Variants in GALNT2 observed in about 807,000 individuals in gnomAD.
GALNT2 encodes the protein polypeptide N-acetylgalactosaminyltransferase 2, also known as UDP-GalNAc:polypeptide N-acetylgalactosaminyltransferase 2.
Under a neutral mutation model 81.4 loss-of-function variants are expected in GALNT2, and 31 were observed. The observed-to-expected ratio is 0.38, with a 90% confidence interval of 0.29 to 0.51. The LOEUF is 0.51. Among genes scored for constraint, GALNT2 ranks in the 20% least tolerant of loss-of-function variants. GALNT2 has a pLI of 0.87. For synonymous variants in GALNT2, 303 were observed against 287.4 expected, an observed-to-expected ratio of 1.05 and a Z score of -0.55; for missense variants, 629 against 765.7, an observed-to-expected ratio of 0.82 and a Z score of 2.11.
chr1:230,168,032 A>G (rs1296715362), intron 1 of GALNT2, among the ~76,000 whole-genome samples: 2 of 152,018 alleles, frequency 1.3e-5, no homozygotes, highest in African/African-American at 2.4e-5. Flanking sequence ...TTCTAAAGTA[A>G]AAGAACCTGC....
At chr1:230,076,492 C>G (rs1220987293) in intron 1 of GALNT2, among the ~76,000 whole-genome samples, 2 of 152,094 alleles carry the variant, frequency 1.3e-5, no homozygotes, top group African/African-American at 4.8e-5. Flanking sequence ...AACCAGAGAT[C>G]AGATGCCTGC....
intron 1 of GALNT2, among the ~76,000 whole-genome samples, chr1:230,129,697 A>G (rs922088825): frequency 6.6e-6 from 1 of 152,216 alleles, no homozygotes; most frequent in Non-Finnish European, 1.5e-5. Context: ...TCTGTCACTT[A>G]AAAATAAAAG....
At chr1:230,231,838 C>T (rs1228669594) in intron 3 of GALNT2, among the ~76,000 whole-genome samples, 1 of 152,180 alleles carries the variant, frequency 6.6e-6, no homozygotes, top group Non-Finnish European at 1.5e-5. Context: ...GAACTTGAGC[C>T]CACAAAGTCA....
chr1:230,256,637 A>C (rs1665724683), intron 11 of GALNT2, among the ~76,000 whole-genome samples: 1 of 152,304 alleles, frequency 6.6e-6, no homozygotes, highest in South Asian at 2.1e-4. Flanking sequence ...TTTAGTAAAC[A>C]TGAAGATGCC....
chr1:230,188,843 T>C (rs539069639), intron 2 of GALNT2, among the ~76,000 whole-genome samples: 2 of 152,366 alleles, frequency 1.3e-5, no homozygotes, highest in South Asian at 4.1e-4. Flanking sequence ...TTTGGAAATC[T>C]ATCTGATAGA....
At chr1:230,137,904 T>C (rs1028645382) in intron 1 of GALNT2, among the ~76,000 whole-genome samples, 1 of 152,280 alleles carries the variant, frequency 6.6e-6, no homozygotes, top group Non-Finnish European at 1.5e-5. Context: ...TTCAAGTCTT[T>C]AAACAGCATT....
intron 3 of GALNT2, among the ~76,000 whole-genome samples, chr1:230,226,594 G>C (rs1664718996): frequency 6.6e-6 from 1 of 152,234 alleles, no homozygotes; most frequent in East Asian, 1.9e-4. Flanking sequence ...CCACGTGGCT[G>C]CAGGGCTCCC....
intron 3 of GALNT2, among the ~76,000 whole-genome samples, chr1:230,211,856 A>G (rs1244827754): frequency 6.6e-6 from 1 of 152,226 alleles, no homozygotes; most frequent in Non-Finnish European, 1.5e-5. Flanking sequence ...GTCGTATACC[A>G]GTTCCCAGAA....
At chr1:230,240,341 C>T (rs1419694987) in intron 6 of GALNT2, among the ~76,000 whole-genome samples, 1 of 152,250 alleles carries the variant, frequency 6.6e-6, no homozygotes, top group Non-Finnish European at 1.5e-5. Flanking sequence ...CGCCTGTAAT[C>T]CCAGCACTTT....
chr1:230,069,261 G>GT (rs955836661), intron 1 of GALNT2, among the ~76,000 whole-genome samples: 28 of 144,254 alleles, frequency 1.9e-4, no homozygotes, highest in South Asian at 1.3e-3. Context: ...TTCTTAGTTT[G>GT]TTTTTTTTTG....
rs183982538 is a variant in GALNT2 at position 230,141,278 on chromosome 1, C to T, written c.127-36940C>T. Among the ~76,000 whole-genome samples, 45 of 152,286 alleles carry T rather than the reference C, an allele frequency of 3.0e-4. No homozygotes were observed. In the East Asian group the frequency reaches 4.8e-3, roughly 16 times the overall value. On this transcript the variant is annotated intron_variant, in intron 1 of 15. Transcript: ENST00000366672. Reference sequence around the variant, plus strand: ...CTCGTACAGGCTCTGGCTCCAGACCCGGGCTGGGTTCCTTACTTTGTTTTT... The same window carrying T: ...CTCGTACAGGCTCTGGCTCCAGACCTGGGCTGGGTTCCTTACTTTGTTTTT...
intron 1 of GALNT2, among the ~76,000 whole-genome samples, chr1:230,080,697 G>A (rs781519865): frequency 2.6e-5 from 4 of 152,176 alleles, no homozygotes; most frequent in Non-Finnish European, 4.4e-5. Context: ...CCTGGGCTCC[G>A]GAGCAGACTC....
intron 14 of GALNT2, among the ~76,000 whole-genome samples, chr1:230,266,689 G>A (rs1666045856): frequency 6.6e-6 from 1 of 152,160 alleles, no homozygotes; most frequent in Non-Finnish European, 1.5e-5. Flanking sequence ...GCCTGCCTGG[G>A]GCTTGACTGG....
intron 1 of GALNT2, among the ~76,000 whole-genome samples, chr1:230,060,640 C>T (rs1659024275): frequency 6.6e-6 from 1 of 152,140 alleles, no homozygotes. Flanking sequence ...ACTCTTCCTC[C>T]CCTAACCACT....
In GALNT2 at chr1:230,228,720, G is replaced by A. The variant is rs148591245; in HGVS notation, c.375-7294G>A. Among the ~76,000 whole-genome samples the A allele has an allele frequency of 8.6e-3, 1,314 of 151,930 alleles. 12 individuals are homozygous for A. The highest frequency in any genetic ancestry group is 0.021 in the Middle Eastern group (6 of 292). On this transcript the variant is annotated intron_variant, in intron 3 of 15. Coordinates refer to ENST00000366672, the MANE Select transcript of GALNT2 (RefSeq NM_004481.5). ...CTGCAGTAACGCTTCATGGCTCCTC[G>A]GGCATGTTGCCCTACTATGTGTTGT...
chr1:230,244,996 C>T (rs1665319606), intron 7 of GALNT2, among the ~76,000 whole-genome samples: 1 of 152,174 alleles, frequency 6.6e-6, no homozygotes, highest in African/African-American at 2.4e-5. Context: ...AAAACACTTG[C>T]TCTTTGGTTA....
intron 1 of GALNT2, among the ~76,000 whole-genome samples, chr1:230,154,144 C>T (rs555644061): frequency 3.3e-5 from 5 of 152,304 alleles, no homozygotes; most frequent in Admixed American, 6.5e-5. Context: ...CATTGTGCAA[C>T]GGGGATGTGG....
chr1:230,250,450 T>C lies in GALNT2; in HGVS notation c.906-7T>C, dbSNP rs532224820. The C allele has an allele frequency of 3.7e-6, 6 of 1,611,996 alleles. No individual in the cohort carries two copies. The African/African-American group carries it at 5.3e-5, about 14-fold the overall frequency. ...CTCCCTCCCCCCTCTTCTTTCTGCCTCTTTAGAACCCCCATGATTGCTGGT... is the reference window on the plus strand; with the variant it reads ...CTCCCTCCCCCCTCTTCTTTCTGCCCCTTTAGAACCCCCATGATTGCTGGT... On this transcript the variant is annotated splice_region_variant and splice_polypyrimidine_tract_variant and intron_variant, in intron 9 of 15. Coordinates refer to ENST00000366672, the MANE Select transcript of GALNT2 (RefSeq NM_004481.5).
chr1:230,124,106 C>T (rs940653132), intron 1 of GALNT2, among the ~76,000 whole-genome samples: 4 of 152,074 alleles, frequency 2.6e-5, no homozygotes, highest in Admixed American at 1.3e-4. Flanking sequence ...GTGCCTGGCT[C>T]AACTTTAAAA....
Sources: gnomAD v4.1 joint callset for allele counts (sites outside exome capture counted in the v4.1 genomes callset) on GRCh38, gnomAD v4.1.1 for gene constraint, MANE v1.5 for transcripts, NCBI Gene and HGNC (gene_info 2026-07-23, HGNC 2026-07-21) for gene names.